Variants in SLC37A1 observed in about 807,000 individuals in gnomAD.
The protein encoded by SLC37A1 is solute carrier family 37 member 1.
In SLC37A1, 49 loss-of-function variants were observed where a neutral mutation model predicts 75.3. The observed-to-expected ratio is 0.65, with a 90% CI of 0.52 to 0.83. The LOEUF (loss-of-function observed/expected upper bound fraction) is 0.83. SLC37A1 is among the 40% of genes least tolerant of loss of function. The pLI is 0.00. For missense variants in SLC37A1, 566 were observed against 695.0 expected (o/e 0.81, Z 2.09); for synonymous variants, 268 against 292.1 (o/e 0.92, Z 0.84).
intron 10 of SLC37A1, among the ~76,000 whole-genome samples, chr21:42,556,335 A>G (rs1026006871): frequency 2.0e-5 from 3 of 152,178 alleles, no homozygotes; most frequent in Admixed American, 1.3e-4. Flanking sequence ...ACGCGGCGTG[A>G]GCACGGAGTG....
At chr21:42,504,232 G>A (rs937605201) in intron 2 of SLC37A1, among the ~76,000 whole-genome samples, 5 of 152,146 alleles carry the variant, frequency 3.3e-5, no homozygotes, top group Non-Finnish European at 7.3e-5. Flanking sequence ...CAGGCTTTAG[G>A]ATGGCTAGAA....
upstream of SLC37A1, among the ~76,000 whole-genome samples, chr21:42,510,833 C>G (rs2054426059): frequency 6.6e-6 from 1 of 152,100 alleles, no homozygotes; most frequent in African/African-American, 2.4e-5. Context: ...TATATGCACC[C>G]AACATCAGAG....
At chr21:42,512,882 G>T (rs1452968159), upstream of SLC37A1, among the ~76,000 whole-genome samples, 1 of 152,272 alleles carries the variant, frequency 6.6e-6, no homozygotes, top group Non-Finnish European at 1.5e-5. Context: ...GGCCTAGCAG[G>T]GCAGGGGAGC....
At chr21:42,577,659 G>T (rs759153839) in intron 18 of SLC37A1, among the ~76,000 whole-genome samples, 33 of 152,150 alleles carry the variant, frequency 2.2e-4, no homozygotes, top group Admixed American at 1.3e-4. Context: ...GAAAAAAACA[G>T]GGTAAATACA....
At chr21:42,503,839 G>A (rs891794317) in intron 2 of SLC37A1, among the ~76,000 whole-genome samples, 1 of 152,164 alleles carries the variant, frequency 6.6e-6, no homozygotes, top group African/African-American at 2.4e-5. Flanking sequence ...AAGCCAGAAA[G>A]GTTTTAAACT....
intron 11 of SLC37A1, 106 bp downstream of exon 11, chr21:42,559,195 A>G: frequency 7.0e-7 from 1 of 1,419,618 alleles, no homozygotes; most frequent in South Asian, 1.4e-5. Context: ...TGGTTGTAGA[A>G]CCCGGGGATT....
chr21:42,576,368 TATATAA>T (rs1411633074), intron 18 of SLC37A1, among the ~76,000 whole-genome samples: 1 of 151,248 alleles, frequency 6.6e-6, no homozygotes, highest in African/African-American at 2.4e-5. Context: ...TCTTTGAGCT[TATATAA>T]ATATATTTTA....
At chr21:42,535,001 C>T (rs1162998439) in intron 4 of SLC37A1, among the ~76,000 whole-genome samples, 171 bp downstream of exon 4, 3 of 152,350 alleles carry the variant, frequency 2.0e-5, no homozygotes, top group South Asian at 4.1e-4. Context: ...AGTGCCTGTG[C>T]GCAGAGCTGT....
intron 2 of SLC37A1, among the ~76,000 whole-genome samples, chr21:42,525,165 T>A (rs1402982852): frequency 1.3e-5 from 2 of 152,368 alleles, no homozygotes; most frequent in African/African-American, 4.8e-5. Flanking sequence ...CCTCGCCCTG[T>A]GCATCTCTTC....
At position 42,547,911 on chromosome 21, in the gene SLC37A1, A is replaced by G. The variant is rs2055453698; in HGVS notation, c.768+771A>G. 6.6e-6 allele frequency among the ~76,000 whole-genome samples: 1 copy of G among 151,810 alleles called. No homozygotes were observed. The highest frequency in any genetic ancestry group is 2.1e-4 in the South Asian group (1 of 4,814). On this transcript the variant is annotated intron_variant, in intron 9 of 19. Coordinates refer to ENST00000352133, the MANE Select transcript of SLC37A1 (RefSeq NM_001320537.2). The surrounding 1 kb of genome is among the most constrained non-coding windows in gnomAD (Gnocchi z 6.1). Reference sequence around the variant, plus strand: ...CCCCTCCTGTCTGCAGGCCACCGCCACCTCACGGGAACAGCCCATCAGATC... The same window carrying G: ...CCCCTCCTGTCTGCAGGCCACCGCCGCCTCACGGGAACAGCCCATCAGATC...
chr21:42,548,076 C>T lies in SLC37A1; in HGVS notation c.768+936C>T, dbSNP rs982974189. 3.3e-5 allele frequency among the ~76,000 whole-genome samples: 5 copies of T among 152,168 alleles called. No individual in the cohort carries two copies. The highest frequency in any genetic ancestry group is 5.9e-5 in the Non-Finnish European group (4 of 68,016). On this transcript the variant is annotated intron_variant, in intron 9 of 19. Transcript: ENST00000352133. This position sits in a 1 kb window ranked among gnomAD's most constrained non-coding sequence, Gnocchi z 5.6. ...TCCCTCTGGGAAAGGCTCCCCTACC[C>T]GGGCTAACATGTTAGTCACGTCTGT...
At chr21:42,531,148 C>T (rs958449820) in intron 3 of SLC37A1, among the ~76,000 whole-genome samples, 1 of 152,196 alleles carries the variant, frequency 6.6e-6, no homozygotes, top group Non-Finnish European at 1.5e-5. Context: ...AGTCTGTAGA[C>T]AGAAGACATT....
At chr21:42,557,025 T>C (rs1239573496) in intron 10 of SLC37A1, among the ~76,000 whole-genome samples, 1 of 152,192 alleles carries the variant, frequency 6.6e-6, no homozygotes, top group African/African-American at 2.4e-5. Flanking sequence ...TGAAGCACTT[T>C]ACAAATCCTG....
chr21:42,565,900 T>G (rs1239061776), intron 15 of SLC37A1, 25 bp downstream of exon 15: 4 of 1,608,288 alleles, frequency 2.5e-6, no homozygotes, highest in Non-Finnish European at 3.4e-6. Flanking sequence ...CTTCCTGCTT[T>G]TCTTCCACAC....
intron 5 of SLC37A1, among the ~76,000 whole-genome samples, chr21:42,537,875 T>G (rs2055179161): frequency 6.6e-6 from 1 of 152,200 alleles, no homozygotes; most frequent in Admixed American, 6.6e-5. Context: ...AGTCCCTACC[T>G]GAGGTCTCAG....
At chr21:42,553,249 G>A (rs1383646454) in intron 9 of SLC37A1, among the ~76,000 whole-genome samples, 2 of 152,138 alleles carry the variant, frequency 1.3e-5, no homozygotes, top group Non-Finnish European at 2.9e-5. Flanking sequence ...AATCATCTGG[G>A]CCTCTCTAAG....
At chr21:42,569,939 CGCT>C (rs543096357) in intron 17 of SLC37A1, among the ~76,000 whole-genome samples, 1 of 152,164 alleles carries the variant, frequency 6.6e-6, no homozygotes, top group Non-Finnish European at 1.5e-5. Context: ...CCCAGCTCCA[CGCT>C]GCTGCTGCTG....
chr21:42,508,121 TC>T (rs1182020325), intron 2 of SLC37A1, among the ~76,000 whole-genome samples: 3 of 133,246 alleles, frequency 2.3e-5, no homozygotes, highest in African/African-American at 5.5e-5. Flanking sequence ...AAGAGTACGC[TC>T]TTTTTTTTTT....
chr21:42,525,537 G>A (rs1356799711), intron 2 of SLC37A1, among the ~76,000 whole-genome samples: 2 of 152,232 alleles, frequency 1.3e-5, no homozygotes, highest in Non-Finnish European at 2.9e-5. Context: ...GTGCATGAGG[G>A]TAGGAAAAGC....
Sources: gnomAD v4.1 joint callset for allele counts (sites outside exome capture counted in the v4.1 genomes callset) on GRCh38, gnomAD v4.1.1 for gene constraint, Gnocchi (gnomAD v3.1) non-coding constraint, MANE v1.5 for transcripts, NCBI Gene and HGNC (gene_info 2026-07-23, HGNC 2026-07-21) for gene names.